The following SLC25A21 variants were observed in gnomAD, a reference collection of about 807,000 sequenced individuals.
SLC25A21 encodes the protein solute carrier family 25 member 21, also known as mitochondrial 2-oxodicarboxylate carrier.
In SLC25A21, 47 loss-of-function variants were observed where a neutral mutation model predicts 43.8. That is an observed-to-expected ratio of 1.07 (90% confidence interval 0.85 to 1.37). The LOEUF is 1.37. SLC25A21 is among the 40% of genes most tolerant of loss of function. The probability of loss-of-function intolerance (pLI) is 0.00; values close to 1 mark genes in which losing one functional copy is unlikely to be tolerated. For missense variants in SLC25A21, 352 were observed against 350.2 expected (o/e 1.00, Z -0.04); for synonymous variants, 131 against 121.3 (o/e 1.08, Z -0.52).
chr14:36,746,291 G>A (rs1048484420), intron 3 of SLC25A21, among the ~76,000 whole-genome samples: 4 of 150,882 alleles, frequency 2.7e-5, no homozygotes, highest in African/African-American at 9.9e-5. Context: ...TCATGTCTTT[G>A]AAACAACATG....
rs550536744 is a variant in SLC25A21, at chr14:37,027,487, G to A, written c.70+144794C>T. Among the ~76,000 whole-genome samples, 7 of 152,170 alleles carry A rather than the reference G, an allele frequency of 4.6e-5. No individual in the cohort carries two copies. The South Asian group carries it at 1.5e-3, about 32-fold the overall frequency. ...GGTTTTTGTTTTTGTATTTTTTAAG[G>A]GCAGTGGGAAGGACCTAGATTTTAT... On this transcript the variant is annotated intron_variant, in intron 1 of 9. Coordinates refer to ENST00000331299, the MANE Select transcript of SLC25A21 (RefSeq NM_030631.4).
chr14:37,170,561 AC>A (rs1236928124), intron 1 of SLC25A21, among the ~76,000 whole-genome samples: 1 of 152,080 alleles, frequency 6.6e-6, no homozygotes, highest in East Asian at 1.9e-4. Context: ...GCGGAATTTG[AC>A]CAAAAATGGT....
chr14:36,804,268 AC>A (rs1887964730), intron 3 of SLC25A21, among the ~76,000 whole-genome samples: 1 of 152,302 alleles, frequency 6.6e-6, no homozygotes, highest in Admixed American at 6.5e-5. Flanking sequence ...TGAGATATGT[AC>A]AAGGCTTTGA....
chr14:37,155,922 A>G (rs6571793), intron 1 of SLC25A21, among the ~76,000 whole-genome samples: 59,687 of 151,548 alleles, frequency 0.39, 12,591 homozygotes, highest in African/African-American at 0.56. Flanking sequence ...ATTTTGGGAG[A>G]CTGAGATGAG....
At chr14:37,023,935 C>T (rs1022283511) in intron 1 of SLC25A21, among the ~76,000 whole-genome samples, 2 of 151,920 alleles carry the variant, frequency 1.3e-5, no homozygotes, top group Non-Finnish European at 2.9e-5. Context: ...AATTTCAAAC[C>T]GCAGCATAGT....
At chr14:36,881,583 C>G (rs1890726524) in intron 1 of SLC25A21, among the ~76,000 whole-genome samples, 1 of 152,136 alleles carries the variant, frequency 6.6e-6, no homozygotes, top group South Asian at 2.1e-4. Context: ...CCACCCTTGC[C>G]CTTTTTTTCT....
intron 1 of SLC25A21, among the ~76,000 whole-genome samples, chr14:36,877,889 A>G (rs1285793554): frequency 6.6e-6 from 1 of 152,160 alleles, no homozygotes; most frequent in Non-Finnish European, 1.5e-5. Context: ...ACGAGGAGCC[A>G]GTGAAGGATT....
At chr14:37,167,834 G>A (rs893404785) in intron 1 of SLC25A21, among the ~76,000 whole-genome samples, 2 of 151,142 alleles carry the variant, frequency 1.3e-5, no homozygotes, top group Non-Finnish European at 3.0e-5. Context: ...AGACAGCTTC[G>A]ACTCCCTATG....
intron 1 of SLC25A21, among the ~76,000 whole-genome samples, chr14:37,143,734 T>G (rs1489601903): frequency 6.6e-6 from 1 of 152,132 alleles, no homozygotes; most frequent in African/African-American, 2.4e-5. Flanking sequence ...CTATTGTGCT[T>G]TCCCCAGCAT....
At chr14:36,723,836 G>T (rs1884473150) in intron 6 of SLC25A21, among the ~76,000 whole-genome samples, 1 of 152,188 alleles carries the variant, frequency 6.6e-6, no homozygotes, top group African/African-American at 2.4e-5. Context: ...TTGAGTCCTT[G>T]TGGTTACATG....
chr14:36,736,035 A>G (rs537483134), intron 3 of SLC25A21, among the ~76,000 whole-genome samples: 58 of 141,930 alleles, frequency 4.1e-4, no homozygotes, highest in Non-Finnish European at 6.9e-4. Context: ...TCCCGGGTTC[A>G]CGCCATTCTC....
At chr14:37,117,447 A>G (rs1213186200) in intron 1 of SLC25A21, among the ~76,000 whole-genome samples, 2 of 152,198 alleles carry the variant, frequency 1.3e-5, no homozygotes, top group Non-Finnish European at 2.9e-5. Context: ...CATCGTAAAC[A>G]TACTTTTGCA....
intron 1 of SLC25A21, among the ~76,000 whole-genome samples, chr14:37,140,491 A>G (rs1180173973): frequency 6.6e-6 from 1 of 152,188 alleles, no homozygotes; most frequent in African/African-American, 2.4e-5. Context: ...TCCCACCTAT[A>G]AAATGAGGCT....
intron 1 of SLC25A21, among the ~76,000 whole-genome samples, chr14:37,157,707 C>G (rs1963874772): frequency 6.6e-6 from 1 of 151,848 alleles, no homozygotes; most frequent in African/African-American, 2.4e-5. Context: ...CAAACCAAAC[C>G]CAAAACTGGC....
intron 1 of SLC25A21, among the ~76,000 whole-genome samples, chr14:37,068,115 G>A (rs1237533851): frequency 2.0e-5 from 3 of 152,354 alleles, no homozygotes; most frequent in Non-Finnish European, 4.4e-5. Context: ...CACAGGCCGC[G>A]ACAGCAGAGT....
At chr14:36,684,360 T>G (rs1282958645) in intron 8 of SLC25A21, among the ~76,000 whole-genome samples, 2 of 152,214 alleles carry the variant, frequency 1.3e-5, no homozygotes, top group East Asian at 3.8e-4. Flanking sequence ...TTTTTAAAAG[T>G]GTTTTTACAG....
intron 1 of SLC25A21, among the ~76,000 whole-genome samples, chr14:37,080,558 C>T (rs1962366548): frequency 6.6e-6 from 1 of 152,164 alleles, no homozygotes; most frequent in Non-Finnish European, 1.5e-5. Flanking sequence ...CATGATCGTG[C>T]CACTGCACTT....
At chr14:36,798,535 T>C (rs1478731665) in intron 3 of SLC25A21, among the ~76,000 whole-genome samples, 9 of 148,512 alleles carry the variant, frequency 6.1e-5, no homozygotes, top group Admixed American at 5.4e-4. Flanking sequence ...GAATTAAGTG[T>C]TTAGAAGGCC....
chr14:36,880,207 G>A lies in SLC25A21; in HGVS notation c.71-5203C>T, dbSNP rs560585875. On this transcript the variant is annotated intron_variant, in intron 1 of 9. Coordinates refer to ENST00000331299, the MANE Select transcript of SLC25A21 (RefSeq NM_030631.4). ...AAGTTTTTTAAAGAGAAGGAGCCTGGTCTTCTCTTTCTCCCATCTTACTAG... is the reference window on the plus strand; with the variant it reads ...AAGTTTTTTAAAGAGAAGGAGCCTGATCTTCTCTTTCTCCCATCTTACTAG... Among the ~76,000 whole-genome samples the A allele has an allele frequency of 2.0e-5, 3 of 152,238 alleles. No individual in the cohort carries two copies. In the East Asian group the frequency reaches 5.8e-4, roughly 29 times the overall value.
Sources: allele counts gnomAD v4.1 joint callset (sites outside exome capture counted in the v4.1 genomes callset), GRCh38; gene constraint gnomAD v4.1.1; transcripts MANE v1.5; gene names NCBI Gene and HGNC (gene_info 2026-07-23, HGNC 2026-07-21).